The following MYT1L variants were observed in gnomAD, a reference collection of about 807,000 sequenced individuals.
MYT1L encodes myelin transcription factor 1-like protein.
MYT1L carries 12 observed loss-of-function variants against 126.7 expected under a neutral mutation model. The observed-to-expected ratio is 0.09, with a 90% CI of 0.06 to 0.15. MYT1L has a LOEUF of 0.15. MYT1L is among the 10% of genes least tolerant of loss of function. The pLI is 1.00. For missense variants in MYT1L, 979 were observed against 1,585.2 expected (o/e 0.62, Z 6.49); for synonymous variants, 541 against 604.2 (o/e 0.90, Z 1.53).
intron 2 of MYT1L, among the ~76,000 whole-genome samples, chr2:2,207,312 C>T (rs1284561876): frequency 1.3e-5 from 2 of 152,142 alleles, no homozygotes; most frequent in East Asian, 3.9e-4. Context: ...ATATAATGCG[C>T]ACTTTCCTGC....
At chr2:2,021,085 G>C (rs1314303314) in intron 4 of MYT1L, among the ~76,000 whole-genome samples, 1 of 152,218 alleles carries the variant, frequency 6.6e-6, no homozygotes, top group Non-Finnish European at 1.5e-5. Flanking sequence ...TGGCTGGACG[G>C]TCTCCCGGAG....
intron 4 of MYT1L, among the ~76,000 whole-genome samples, chr2:1,999,980 A>T (rs1462943035): frequency 6.6e-6 from 1 of 152,258 alleles, no homozygotes; most frequent in Non-Finnish European, 1.5e-5. Flanking sequence ...TATGAACAAT[A>T]ACCTTATGCT....
At chr2:1,966,025 C>T (rs1260062855) in intron 8 of MYT1L, among the ~76,000 whole-genome samples, 1 of 152,244 alleles carries the variant, frequency 6.6e-6, no homozygotes, top group Non-Finnish European at 1.5e-5. Context: ...TGGGGTCTGG[C>T]CACCTAGCTC....
intron 13 of MYT1L, among the ~76,000 whole-genome samples, chr2:1,904,112 T>G (rs2050724175): frequency 6.6e-6 from 1 of 152,182 alleles, no homozygotes; most frequent in Non-Finnish European, 1.5e-5. Context: ...TTCATAACCG[T>G]CAGACAAGAG....
In MYT1L at chr2:2,223,592, A is replaced by T. The variant is rs189222665; in HGVS notation, c.-420-50604T>A. On this transcript the variant is annotated intron_variant, in intron 2 of 24. Transcript: ENST00000647738. ...ATTTGTCACATTGCAGGGAAATTTA[A>T]TTTTTGAATAATTTTCTCCATATAT... 1.7e-3 allele frequency among the ~76,000 whole-genome samples: 255 copies of T among 152,248 alleles called. 1 individual carries two copies. Among genetic ancestry groups the T allele is most frequent in the African/African-American group, 5.4e-3 (225 of 41,550 alleles).
intron 13 of MYT1L, among the ~76,000 whole-genome samples, chr2:1,906,916 AAATAAT>A (rs562782935): frequency 6.6e-6 from 1 of 150,766 alleles, no homozygotes; most frequent in East Asian, 1.9e-4. Context: ...TGTCTCTCCA[AAATAAT>A]AATAATAATA....
intron 16 of MYT1L, among the ~76,000 whole-genome samples, chr2:1,888,766 T>C (rs2048460143): frequency 6.6e-6 from 1 of 152,232 alleles, no homozygotes; most frequent in South Asian, 2.1e-4. Context: ...CTAAAATAGT[T>C]TATTCAAGGC....
intron 4 of MYT1L, among the ~76,000 whole-genome samples, chr2:2,005,495 C>A (rs1283163409): frequency 1.6e-4 from 23 of 147,872 alleles, no homozygotes; most frequent in Non-Finnish European, 1.9e-4. Flanking sequence ...TTCTTTCCTG[C>A]AGGCATTCTT....
At chr2:2,125,805 C>G (rs1236575626) in intron 3 of MYT1L, among the ~76,000 whole-genome samples, 1 of 152,140 alleles carries the variant, frequency 6.6e-6, no homozygotes, top group Non-Finnish European at 1.5e-5. Context: ...TTAATATCAT[C>G]AACCTAAATA....
chr2:2,043,814 T>G (rs2150033409), intron 4 of MYT1L, among the ~76,000 whole-genome samples: 1 of 152,350 alleles, frequency 6.6e-6, no homozygotes, highest in African/African-American at 2.4e-5. Context: ...ACATAAAAAC[T>G]TCTCAAATTG....
chr2:2,160,022 GTC>G (rs2087577566), intron 3 of MYT1L, among the ~76,000 whole-genome samples: 1 of 152,116 alleles, frequency 6.6e-6, no homozygotes, highest in Non-Finnish European at 1.5e-5. Context: ...GGCAACCCAT[GTC>G]TCTCTGTGTC....
chr2:1,803,764 T>C (rs2035243965), intron 22 of MYT1L, among the ~76,000 whole-genome samples: 1 of 152,064 alleles, frequency 6.6e-6, no homozygotes, highest in South Asian at 2.1e-4. Flanking sequence ...ATGCCATTCC[T>C]TTGTAAGGGG....
intron 3 of MYT1L, among the ~76,000 whole-genome samples, chr2:2,165,982 A>C (rs757116584): frequency 2.6e-4 from 30 of 116,434 alleles, no homozygotes; most frequent in Non-Finnish European, 5.0e-4. Flanking sequence ...GTTTTAAAGT[A>C]CAGAATTTTA....
chr2:2,082,885 G>A (rs2075987572), intron 3 of MYT1L, among the ~76,000 whole-genome samples: 2 of 152,122 alleles, frequency 1.3e-5, no homozygotes, highest in Admixed American at 6.6e-5. Context: ...AAGACCTCAT[G>A]CCTGACTAGA....
At chr2:2,088,632 A>G (rs1168282860) in intron 3 of MYT1L, among the ~76,000 whole-genome samples, 1 of 144,552 alleles carries the variant, frequency 6.9e-6, no homozygotes, top group Non-Finnish European at 1.5e-5. Context: ...ATTTACTGGA[A>G]AAAAAAAAAG....
chr2:1,912,020 CT>C lies in MYT1L; in HGVS notation c.1708del (p.Ser570AlafsTer42). The C allele has an allele frequency of 6.3e-7, 1 of 1,593,708 alleles. No individual in the cohort carries two copies. Among genetic ancestry groups the C allele is most frequent in the Non-Finnish European group, 8.6e-7 (1 of 1,166,502 alleles). On this transcript the variant is annotated frameshift_variant and splice_region_variant, in exon 12 of 25. Coordinates refer to ENST00000647738, the MANE Select transcript of MYT1L (RefSeq NM_001303052.2). LOFTEE classifies it high-confidence loss of function. This position sits in a 1 kb window ranked among gnomAD's most constrained non-coding sequence, Gnocchi z 4.3. ...HVNSNRNSHR[S>X]LSGCPIAAAE... ...CACCAGTGACCCACGCGTGGCTTAC[CT>C]TCGGTGGGAGTTCCTGTTGCTGTTG...
chr2:1,965,854 C>T (rs1264387172), intron 8 of MYT1L, among the ~76,000 whole-genome samples: 1 of 152,214 alleles, frequency 6.6e-6, no homozygotes, highest in Non-Finnish European at 1.5e-5. Flanking sequence ...ACAAGGGACT[C>T]AGGGAAAGGC....
intron 2 of MYT1L, among the ~76,000 whole-genome samples, chr2:2,266,147 C>T (rs150044369): frequency 6.6e-6 from 1 of 152,310 alleles, no homozygotes; most frequent in African/African-American, 2.4e-5. Context: ...GAGGCAGGTT[C>T]TATCTCCATT....
chr2:2,210,717 T>G (rs2093474660), intron 2 of MYT1L, among the ~76,000 whole-genome samples: 1 of 152,220 alleles, frequency 6.6e-6, no homozygotes, highest in South Asian at 2.1e-4. Context: ...TCTAGGTCTT[T>G]TGTGGTTACA....
Sources: gnomAD v4.1 joint callset for allele counts (sites outside exome capture counted in the v4.1 genomes callset) on GRCh38, gnomAD v4.1.1 for gene constraint, Gnocchi (gnomAD v3.1) non-coding constraint, MANE v1.5 for transcripts, NCBI Gene and HGNC (gene_info 2026-07-23, HGNC 2026-07-21) for gene names.